IL1RN: variants seen among roughly 807,000 people sequenced by gnomAD.
IL1RN encodes interleukin-1 receptor antagonist protein.
IL1RN carries 10 observed loss-of-function variants against 13.7 expected under a neutral mutation model. The ratio of observed to expected loss-of-function variants is 0.73; its 90% CI spans 0.45 to 1.24. IL1RN has a LOEUF of 1.24. Among genes scored for constraint, IL1RN ranks in the 50% most tolerant of loss-of-function variants. IL1RN has a pLI of 0.00. For synonymous variants in IL1RN, 102 were observed against 82.7 expected (o/e 1.23, Z -1.27); for missense variants, 213 against 222.1 (o/e 0.96, Z 0.26).
intron 1 of IL1RN, among the ~76,000 whole-genome samples, chr2:113,119,593 T>C (rs760476104): frequency 3.3e-5 from 5 of 152,218 alleles, no homozygotes; most frequent in South Asian, 2.1e-4. Context: ...CATGGTCTTA[T>C]GTGTTTTTCA....
At chr2:113,131,853 G>T (rs315955) in intron 3 of IL1RN, among the ~76,000 whole-genome samples, 1 of 152,144 alleles carries the variant, frequency 6.6e-6, no homozygotes, top group Non-Finnish European at 1.5e-5. Context: ...CTGGATGCAA[G>T]CTTAACCTCA....
upstream of IL1RN, among the ~76,000 whole-genome samples, chr2:113,105,588 T>C (rs1686375077): frequency 6.6e-6 from 1 of 152,226 alleles, no homozygotes; most frequent in Admixed American, 6.5e-5. Flanking sequence ...CCGAGTTCCA[T>C]CTCTTCTGAG....
upstream of IL1RN, among the ~76,000 whole-genome samples, chr2:113,127,124 C>T (rs1158237280): frequency 2.6e-5 from 4 of 152,210 alleles, no homozygotes; most frequent in Non-Finnish European, 5.9e-5. Context: ...TTTACTATCT[C>T]GTCCTTTACA....
At chr2:113,130,976 A>G in intron 2 of IL1RN, 69 bp from the exon 3 acceptor site, 1 of 961,284 alleles carries the variant, frequency 1.0e-6, no homozygotes, top group Non-Finnish European at 1.7e-6. Flanking sequence ...ATAGAAAAAT[A>G]CCCGGGGTCT....
intron 2 of IL1RN, among the ~76,000 whole-genome samples, chr2:113,121,108 CTCTTCT>C (rs1686767163): frequency 7.3e-6 from 1 of 137,242 alleles, no homozygotes; most frequent in Non-Finnish European, 1.6e-5. Context: ...CTTCCTCTTC[CTCTTCT>C]TCCTCTTCCT....
chr2:113,111,064 A>T (rs1318149866), upstream of IL1RN: 1 of 152,202 alleles, frequency 6.6e-6, no homozygotes, highest in Non-Finnish European at 1.5e-5. Context: ...CATCTGTTTG[A>T]CCACATACTG....
chr2:113,102,368 T>C (rs13390378), upstream of IL1RN, among the ~76,000 whole-genome samples: 3,948 of 152,306 alleles, frequency 0.026, 156 homozygotes, highest in African/African-American at 0.091. Flanking sequence ...ATTACTTTCT[T>C]ATAGGCTCTA....
upstream of IL1RN, among the ~76,000 whole-genome samples, chr2:113,114,419 C>T (rs1686553962): frequency 6.6e-6 from 1 of 152,068 alleles, no homozygotes; most frequent in African/African-American, 2.4e-5. Context: ...ACCGTTAAGT[C>T]CAGTGAGCCA....
upstream of IL1RN, chr2:113,117,557 G>C (rs1281049451): frequency 5.1e-6 from 1 of 196,314 alleles, no homozygotes; most frequent in East Asian, 1.2e-4. Context: ...ACCTTGTCTG[G>C]CTTGTTCCCA....
the IL1RN span, among the ~76,000 whole-genome samples, chr2:113,100,937 A>T: frequency 5.3e-5 from 8 of 152,218 alleles, no homozygotes. Context: ...AAAAACAAGC[A>T]GATGTTAATT....
At chr2:113,110,115 G>A (rs915302670), upstream of IL1RN, among the ~76,000 whole-genome samples, 1 of 151,880 alleles carries the variant, frequency 6.6e-6, no homozygotes, top group African/African-American at 2.4e-5. Context: ...GGTTGCAGAT[G>A]AAAAAAAAGT....
chr2:113,119,394 A>T (rs1686691839), intron 1 of IL1RN, among the ~76,000 whole-genome samples: 1 of 152,226 alleles, frequency 6.6e-6, no homozygotes, highest in African/African-American at 2.4e-5. Flanking sequence ...TAAGAGGAGG[A>T]GGTGGATTGA....
At chr2:113,099,882 C>A in the IL1RN span, among the ~76,000 whole-genome samples, 1 of 145,648 alleles carries the variant, frequency 6.9e-6, no homozygotes, top group African/African-American at 2.5e-5. Context: ...CTACAGGCAC[C>A]TGCCACCACG....
chr2:113,124,825 C>T (rs4252000), upstream of IL1RN, among the ~76,000 whole-genome samples: 1 of 152,150 alleles, frequency 6.6e-6, no homozygotes, highest in African/African-American at 2.4e-5. Flanking sequence ...ACCACCCCCA[C>T]CCTCACCCTG....
At chr2:113,115,027 A>G (rs1336210159), upstream of IL1RN, among the ~76,000 whole-genome samples, 2 of 152,200 alleles carry the variant, frequency 1.3e-5, no homozygotes, top group Non-Finnish European at 2.9e-5. Context: ...GAAGCTGAGC[A>G]GGCTGAGCAG....
intron 1 of IL1RN, among the ~76,000 whole-genome samples, chr2:113,128,052 A>G (rs2104452764): frequency 6.6e-6 from 1 of 152,326 alleles, no homozygotes; most frequent in South Asian, 2.1e-4. Flanking sequence ...CTGACAGAGA[A>G]GCAGAGAGGG....
At chr2:113,100,084 A>T in the IL1RN span, among the ~76,000 whole-genome samples, 1 of 140,814 alleles carries the variant, frequency 7.1e-6, no homozygotes, top group Non-Finnish European at 1.5e-5. Context: ...GCACTTTGGG[A>T]GGCCGAGGCG....
chr2:113,104,008 T>G (rs1420767051), upstream of IL1RN, among the ~76,000 whole-genome samples: 1 of 151,756 alleles, frequency 6.6e-6, no homozygotes, highest in African/African-American at 2.4e-5. Flanking sequence ...TTTTTTTTTT[T>G]CTTAAACCAA....
chr2:113,112,462 G>C (rs537225073), intron 1 of IL1RN, among the ~76,000 whole-genome samples: 2 of 152,252 alleles, frequency 1.3e-5, no homozygotes, highest in African/African-American at 2.4e-5. Flanking sequence ...CCCCAACTCT[G>C]CCCCAAGCCT....
Sources: allele counts gnomAD v4.1 joint callset (sites outside exome capture counted in the v4.1 genomes callset), GRCh38; gene constraint gnomAD v4.1.1; transcripts MANE v1.5; gene names NCBI Gene and HGNC (gene_info 2026-07-23, HGNC 2026-07-21).